Variants in CYP4F12 observed in about 807,000 individuals in gnomAD.
The protein encoded by CYP4F12 is cytochrome P450 4F12.
In CYP4F12, 60 loss-of-function variants were observed where a neutral mutation model predicts 56.5. The ratio of observed to expected loss-of-function variants is 1.06; its 90% CI spans 0.86 to 1.32. The LOEUF is 1.32. Ranked by LOEUF, CYP4F12 falls within the 40% of genes most tolerant of loss-of-function variation. The pLI, the probability that CYP4F12 is intolerant of heterozygous loss-of-function variation, is 0.00. For missense variants in CYP4F12, 711 were observed against 683.5 expected (o/e 1.04, Z -0.45); for synonymous variants, 263 against 264.9 (o/e 0.99, Z 0.07).
At chr19:15,680,338 G>T in intron 4 of CYP4F12, 41 bp downstream of exon 4, 1 of 1,613,460 alleles carries the variant, frequency 6.2e-7, no homozygotes, top group African/African-American at 1.3e-5. Context: ...ACAACCTTGC[G>T]GGGAGGGTAG....
intron 5 of CYP4F12, chr19:15,680,761 C>A: frequency 1.8e-6 from 1 of 546,886 alleles, no homozygotes; most frequent in Non-Finnish European, 3.3e-6. Flanking sequence ...TCCCTGTAAA[C>A]TCAAGAGAGT....
chr19:15,696,563 T>TA lies in CYP4F12; in HGVS notation c.1397+58dup, dbSNP rs747926643. The TA allele has an allele frequency of 4.9e-5, 76 of 1,565,514 alleles. No individual in the cohort carries two copies. In the South Asian group the frequency reaches 7.1e-4, roughly 15 times the overall value. ...GGGATGGGATGATGGGTGCGGGAGT[T>TA]AAAAAAAGGGGGACGTTGCAGATGG... On this transcript the variant is annotated intron_variant, in intron 12 of 12. Coordinates refer to ENST00000550308, the MANE Select transcript of CYP4F12 (RefSeq NM_023944.4).
intron 2 of CYP4F12, among the ~76,000 whole-genome samples, chr19:15,673,986 TCTACC>T (rs1213258908): frequency 0.57 from 46,509 of 81,384 alleles, 21,756 homozygotes; most frequent in East Asian, 0.63. Context: ...CACTCATTCC[TCTACC>T]CACTCACTCC....
chr19:15,674,977 T>G (rs912874488), intron 2 of CYP4F12, among the ~76,000 whole-genome samples: 2 of 152,248 alleles, frequency 1.3e-5, no homozygotes. Flanking sequence ...TTTGCTTGTA[T>G]CTGCCCATCT....
At chr19:15,696,097 T>G (rs764048839) in intron 10 of CYP4F12, 28 bp downstream of exon 10, 37 of 1,610,842 alleles carry the variant, frequency 2.3e-5, no homozygotes, top group Non-Finnish European at 2.9e-5. Context: ...GGGAGAAGCC[T>G]CCCGGGTAGG....
chr19:15,685,789 AT>A (rs1007149865), intron 9 of CYP4F12, among the ~76,000 whole-genome samples: 1 of 152,040 alleles, frequency 6.6e-6, no homozygotes, highest in African/African-American at 2.4e-5. Flanking sequence ...GAATTATCAT[AT>A]TTTTTTCAAA....
chr19:15,689,913 T>C (rs1289400528), intron 9 of CYP4F12, among the ~76,000 whole-genome samples: 4 of 152,120 alleles, frequency 2.6e-5, no homozygotes, highest in African/African-American at 9.7e-5. Context: ...AGGACACAAA[T>C]ACATACAGAG....
At chr19:15,675,472 C>A (rs2144704403) in intron 2 of CYP4F12, among the ~76,000 whole-genome samples, 1 of 152,256 alleles carries the variant, frequency 6.6e-6, no homozygotes, top group Non-Finnish European at 1.5e-5. Context: ...CCATGTGGAC[C>A]AACCAGGACA....
intron 6 of CYP4F12, among the ~76,000 whole-genome samples, chr19:15,683,032 C>T (rs1339356546): frequency 2.0e-5 from 3 of 151,940 alleles, no homozygotes; most frequent in African/African-American, 7.3e-5. Flanking sequence ...CCACTGTGCC[C>T]AGCTGCTTCT....
chr19:15,694,713 C>A (rs183650733), intron 9 of CYP4F12, among the ~76,000 whole-genome samples: 1 of 152,218 alleles, frequency 6.6e-6, no homozygotes, highest in Non-Finnish European at 1.5e-5. Flanking sequence ...CTGGCCAGAA[C>A]TTCCAACACT....
Position 15,678,423 on chromosome 19 carries a change from G to C in CYP4F12, c.343+18G>C. ...TGCCTCAGGTACCCATGCAGAGCTT[G>C]TGGTGGTGGGTGCCAGACCAAGCTT... is the stretch of plus-strand genomic sequence containing the variant. On this transcript the variant is annotated intron_variant, in intron 3 of 12. Coordinates refer to ENST00000550308, the MANE Select transcript of CYP4F12 (RefSeq NM_023944.4). 1 of 1,613,968 alleles carries C rather than the reference G, an allele frequency of 6.2e-7. No individual in the cohort carries two copies. The highest frequency in any genetic ancestry group is 8.5e-7 in the Non-Finnish European group (1 of 1,179,884).
intron 3 of CYP4F12, 105 bp downstream of exon 3, chr19:15,678,510 C>G: frequency 7.1e-7 from 1 of 1,409,080 alleles, no homozygotes; most frequent in Non-Finnish European, 9.8e-7. Context: ...ATTGAGACTT[C>G]CTTCTCAATG....
intron 3 of CYP4F12, among the ~76,000 whole-genome samples, chr19:15,679,594 G>C (rs557901309): frequency 6.6e-6 from 1 of 152,322 alleles, no homozygotes; most frequent in African/African-American, 2.4e-5. Context: ...GGGCATGTCA[G>C]AGACTTTCTG....
intron 9 of CYP4F12, among the ~76,000 whole-genome samples, chr19:15,686,918 C>G (rs555447065): frequency 2.6e-5 from 4 of 152,266 alleles, no homozygotes; most frequent in African/African-American, 9.6e-5. Context: ...GGTGGCAACA[C>G]TTTTTATGCT....
At chr19:15,685,628 C>T (rs2007565390) in intron 9 of CYP4F12, among the ~76,000 whole-genome samples, 1 of 152,132 alleles carries the variant, frequency 6.6e-6, no homozygotes, top group Non-Finnish European at 1.5e-5. Context: ...AACTTGGTAT[C>T]CAACCTGGCT....
At chr19:15,684,076 C>T (rs574800296) in intron 7 of CYP4F12, 1 of 183,850 alleles carries the variant, frequency 5.4e-6, no homozygotes, top group Admixed American at 5.9e-5. Context: ...ATGCACCAAA[C>T]CCCTGGATCA....
intron 9 of CYP4F12, among the ~76,000 whole-genome samples, chr19:15,695,241 C>G (rs1358044604): frequency 2.0e-5 from 3 of 151,134 alleles, no homozygotes; most frequent in African/African-American, 7.3e-5. Context: ...TCTCAGTAAA[C>G]TATCGCAAAG....
chr19:15,677,069 G>C (rs190731214), intron 2 of CYP4F12, among the ~76,000 whole-genome samples: 221 of 8,582 alleles, frequency 0.026, 6 homozygotes, highest in East Asian at 0.071. Context: ...AGTCATTCCT[G>C]TCCTCACTCA....
intron 7 of CYP4F12, 164 bp downstream of exon 7, chr19:15,683,927 C>A: frequency 1.3e-6 from 1 of 776,894 alleles, no homozygotes; most frequent in Non-Finnish European, 1.9e-6. Context: ...TTGCATGCAG[C>A]CCACAGGGCA....
Sources: allele counts gnomAD v4.1 joint callset (sites outside exome capture counted in the v4.1 genomes callset), GRCh38; gene constraint gnomAD v4.1.1; transcripts MANE v1.5; gene names NCBI Gene and HGNC (gene_info 2026-07-23, HGNC 2026-07-21).